The following DYNC2H1 variants were observed in gnomAD, a reference collection of about 807,000 sequenced individuals.
DYNC2H1 encodes dynein cytoplasmic 2 heavy chain 1.
Under a neutral mutation model 570.0 loss-of-function variants are expected in DYNC2H1, and 410 were observed. That is an observed-to-expected ratio of 0.72 (90% CI 0.66 to 0.78). DYNC2H1 has a LOEUF of 0.78. Among genes scored for constraint, DYNC2H1 ranks in the 30% least tolerant of loss-of-function variants. The probability of loss-of-function intolerance (pLI) is 0.00; values close to 1 mark genes in which losing one functional copy is unlikely to be tolerated. For missense variants in DYNC2H1, 4,865 were observed against 5,046.4 expected (o/e 0.96, Z 1.09); for synonymous variants, 1,688 against 1,677.6 (o/e 1.01, Z -0.15).
At chr11:103,258,960 A>G (rs72971592) in intron 69 of DYNC2H1, among the ~76,000 whole-genome samples, 3,806 of 152,318 alleles carry the variant, frequency 0.025, 63 homozygotes, top group Middle Eastern at 0.037. Flanking sequence ...TAAAGTAATG[A>G]TTAGTTGTCT....
At chr11:103,144,598 T>G (rs542595909) in intron 18 of DYNC2H1, among the ~76,000 whole-genome samples, 1 of 152,314 alleles carries the variant, frequency 6.6e-6, no homozygotes, top group South Asian at 2.1e-4. Context: ...TTGAAATTGT[T>G]ATTAGAGTTA....
chr11:103,410,845 C>T (rs1412541509), intron 84 of DYNC2H1, among the ~76,000 whole-genome samples: 1 of 152,100 alleles, frequency 6.6e-6, no homozygotes, highest in African/African-American at 2.4e-5. Flanking sequence ...ACGAAATTGA[C>T]CAACCCTATA....
chr11:103,400,023 T>C (rs1200586320), intron 84 of DYNC2H1, among the ~76,000 whole-genome samples, 151 bp downstream of exon 84: 4 of 152,244 alleles, frequency 2.6e-5, no homozygotes, highest in Admixed American at 1.3e-4. Context: ...CTGATGTAAC[T>C]GAAGAATCCA....
intron 85 of DYNC2H1, among the ~76,000 whole-genome samples, chr11:103,437,326 TCTC>T (rs1944099596): frequency 2.6e-5 from 4 of 152,232 alleles, no homozygotes; most frequent in African/African-American, 7.2e-5. Flanking sequence ...TTCTGTCTGT[TCTC>T]CTCTCTTTAG....
At chr11:103,303,698 A>G (rs1867148691) in intron 76 of DYNC2H1, among the ~76,000 whole-genome samples, 1 of 152,104 alleles carries the variant, frequency 6.6e-6, no homozygotes. Context: ...AGCCTTTAGA[A>G]AGAACATAGC....
chr11:103,160,397 T>C (rs777665511), intron 28 of DYNC2H1, among the ~76,000 whole-genome samples: 4 of 152,222 alleles, frequency 2.6e-5, no homozygotes, highest in Admixed American at 6.5e-5. Context: ...ACAAGTCTTT[T>C]TGTAGACATA....
intron 35 of DYNC2H1, 112 bp downstream of exon 35, chr11:103,173,417 C>A: frequency 1.3e-6 from 1 of 755,818 alleles, no homozygotes; most frequent in South Asian, 2.8e-5. Flanking sequence ...GATTTTTATT[C>A]TGATGATTTT....
chr11:103,302,970 T>C (rs962117531), intron 75 of DYNC2H1, 123 bp from the exon 76 acceptor site: 18 of 676,304 alleles, frequency 2.7e-5, no homozygotes, highest in African/African-American at 2.4e-4. Flanking sequence ...AGAAAAACTT[T>C]AATGTATTAT....
rs865919156 is a variant in DYNC2H1 at position 103,255,517 on chromosome 11, G to A, written c.10309G>A (p.Glu3437Lys). 2 of 1,555,850 alleles carry A rather than the reference G, an allele frequency of 1.3e-6. No individual in the cohort carries two copies. Among genetic ancestry groups the A allele is most frequent in the Non-Finnish European group, 1.7e-6 (2 of 1,149,074 alleles). The change falls in exon 67 of 89, where the codon GAA (glutamate) becomes AAA (lysine). Residue 3437 changes from glutamate to lysine, a missense_variant. Physicochemically the swap from Glu to Lys is moderately conservative, Grantham distance 56 (BLOSUM62 1). Coordinates refer to ENST00000375735, the MANE Select transcript of DYNC2H1 (RefSeq NM_001377.3). ...TAAGAAAATACAGCTAGCCAAGCTC[G>A]AAGAATCTCTTCTAGAGGTAAAAGT... is the stretch of plus-strand genomic sequence containing the variant. ...EDKKIQLAKLEESLLETLATS... is the reference protein window; with the variant it reads ...EDKKIQLAKLKESLLETLATS...
Position 103,205,505 on chromosome 11 carries a change from C to T in DYNC2H1, c.8454+541C>T, listed in dbSNP as rs1239389981. Among the ~76,000 whole-genome samples, 2 of 152,038 alleles carry T rather than the reference C, an allele frequency of 1.3e-5. No homozygotes were observed. Among genetic ancestry groups the T allele is most frequent in the Non-Finnish European group, 2.9e-5 (2 of 68,006 alleles). On this transcript the variant is annotated intron_variant, in intron 52 of 88. Transcript: ENST00000375735. This position sits in a 1 kb window ranked among gnomAD's most constrained non-coding sequence, Gnocchi z 4.5. Reference sequence around the variant, plus strand: ...GTATAGTTTAATGCCTGCCATGATTCAGAGTAAGGAGTGTAATTGGAGATA... The same window carrying T: ...GTATAGTTTAATGCCTGCCATGATTTAGAGTAAGGAGTGTAATTGGAGATA...
At position 103,125,255 on chromosome 11, in the gene DYNC2H1, T is replaced by G; in HGVS notation, c.1817T>G (p.Ile606Ser). 1 of 1,611,060 alleles carries G rather than the reference T, an allele frequency of 6.2e-7. No homozygotes were observed. Among genetic ancestry groups the G allele is most frequent in the South Asian group, 1.1e-5 (1 of 90,302 alleles). Residue 606 changes from isoleucine (I) to serine (S), a missense_variant, in exon 12 of 89, where the codon ATT becomes AGT. By Grantham distance (142) the Ile-to-Ser change is moderately radical. Around this residue, in one of 5 missense-constraint regions of DYNC2H1, gnomAD observed 1,936 missense variants for 1,962.1 expected, o/e 0.99. Transcript: ENST00000375735. ...IPAKIQQVAN[I>S]AQKFCKQAII... ...GCCAAAATACAGCAAGTTGCAAACA[T>G]TGCACAGAAATTCTGCAAGCAAGCA...
chr11:103,114,173 G>T lies in DYNC2H1; in HGVS notation c.437G>T (p.Gly146Val). ...TTGAGTGAACTAGAAGCTGGGTTGGGTATAGTTCTACGAAGATCAGACACT... is the reference window on the plus strand; with the variant it reads ...TTGAGTGAACTAGAAGCTGGGTTGGTTATAGTTCTACGAAGATCAGACACT... ...NLLSELEAGL[G>V]IVLRRSDTNL... is the part of the protein sequence containing the mutation. Residue 146 changes from glycine to valine, a missense_variant, in exon 3 of 89, where the codon GGT (glycine) becomes GTT (valine). Gly to Val is a moderately radical substitution (Grantham distance 109). Around this residue, in one of 5 missense-constraint regions of DYNC2H1, gnomAD observed 1,936 missense variants for 1,962.1 expected, o/e 0.99. Coordinates refer to ENST00000375735, the MANE Select transcript of DYNC2H1 (RefSeq NM_001377.3). 1 of 1,606,492 alleles carries T rather than the reference G, an allele frequency of 6.2e-7. No homozygotes were observed. The highest frequency in any genetic ancestry group is 8.5e-7 in the Non-Finnish European group (1 of 1,175,998).
rs551389047 is a variant in DYNC2H1, at chr11:103,261,750, C to T, written c.10695+1773C>T. Reference sequence around the variant, plus strand: ...ATCCACGAAGATGAGGAAAAACCAGCGCAAAAAGACTGAAAATTCCAAAAA... The same window carrying T: ...ATCCACGAAGATGAGGAAAAACCAGTGCAAAAAGACTGAAAATTCCAAAAA... On this transcript the variant is annotated intron_variant, in intron 70 of 88. Transcript: ENST00000375735. This position sits in a 1 kb window ranked among gnomAD's most constrained non-coding sequence, Gnocchi z 4.8. Among the ~76,000 whole-genome samples, 11 of 152,232 alleles carry T rather than the reference C, an allele frequency of 7.2e-5. No homozygotes were observed. The South Asian group carries it at 8.3e-4, about 11-fold the overall frequency.
intron 84 of DYNC2H1, among the ~76,000 whole-genome samples, chr11:103,426,593 T>C (rs564592527): frequency 6.6e-6 from 1 of 152,336 alleles, no homozygotes; most frequent in South Asian, 2.1e-4. Flanking sequence ...ACTGAACATC[T>C]ATGTTAGCTT....
intron 84 of DYNC2H1, among the ~76,000 whole-genome samples, chr11:103,401,814 A>T (rs1942656134): frequency 6.6e-6 from 1 of 152,140 alleles, no homozygotes; most frequent in Non-Finnish European, 1.5e-5. Context: ...AAAGCTCTTC[A>T]AGCATTTATC....
At position 103,467,061 on chromosome 11, in the gene DYNC2H1, T is replaced by TG. The variant is rs1189231893; in HGVS notation, c.12649-1527dup. Among the ~76,000 whole-genome samples the TG allele has an allele frequency of 3.9e-5, 6 of 152,210 alleles. No homozygotes were observed. In the East Asian group the frequency reaches 1.2e-3, roughly 29 times the overall value. The stretch of plus-strand genomic sequence containing the variant: ...GTTGGAAATGAAAGAACAAAATGGA[T>TG]GCACCTTAAAACCAATAATGAAGGA... On this transcript the variant is annotated intron_variant, in intron 87 of 88. Coordinates refer to ENST00000375735, the MANE Select transcript of DYNC2H1 (RefSeq NM_001377.3).
At position 103,153,425 on chromosome 11, in the gene DYNC2H1, T is replaced by A; in HGVS notation, c.3219T>A (p.His1073Gln). The A allele has an allele frequency of 6.4e-7, 1 of 1,565,170 alleles. No individual in the cohort carries two copies. The highest frequency in any genetic ancestry group is 1.2e-5 in the South Asian group (1 of 83,536). ...ATGATGTTATTGAAACTGGCCAACATAATACTCTTGATAAAAGTGCAAAGT... is the reference window on the plus strand; with the variant it reads ...ATGATGTTATTGAAACTGGCCAACAAAATACTCTTGATAAAAGTGCAAAGT... ...PGDDVIETGQ[H>Q]NTLDKSAKLI... The change falls in exon 22 of 89, where the codon CAT (histidine) becomes CAA (glutamine). Residue 1073 changes from histidine (H) to glutamine (Q), a missense_variant. By Grantham distance (24) the His-to-Gln change is conservative. Around this residue, in one of 5 missense-constraint regions of DYNC2H1, gnomAD observed 1,936 missense variants for 1,962.1 expected, o/e 0.99. Coordinates refer to ENST00000375735, the MANE Select transcript of DYNC2H1 (RefSeq NM_001377.3).
chr11:103,399,976 G>A (rs1042246290), intron 84 of DYNC2H1, 104 bp downstream of exon 84: 9 of 924,892 alleles, frequency 9.7e-6, no homozygotes, highest in South Asian at 7.1e-5. Flanking sequence ...CAGAAGACCC[G>A]AGTCACACTG....
At chr11:103,148,175 T>C (rs1860340973) in intron 19 of DYNC2H1, among the ~76,000 whole-genome samples, 1 of 152,196 alleles carries the variant, frequency 6.6e-6, no homozygotes, top group African/African-American at 2.4e-5. Flanking sequence ...TTTTTCAAAA[T>C]ACCACAGTTT....
Sources: allele counts gnomAD v4.1 joint callset (sites outside exome capture counted in the v4.1 genomes callset), GRCh38; gene constraint gnomAD v4.1.1; regional missense constraint gnomAD v4.1.1; non-coding constraint Gnocchi (gnomAD v3.1); transcripts MANE v1.5; gene names NCBI Gene and HGNC (gene_info 2026-07-23, HGNC 2026-07-21).